The following NAALADL2 variants were observed in gnomAD, a reference collection of about 807,000 sequenced individuals.
NAALADL2 encodes the protein inactive N-acetylated-alpha-linked acidic dipeptidase-like protein 2.
A neutral mutation model predicts 87.2 loss-of-function variants in NAALADL2; 76 were observed. The ratio of observed to expected loss-of-function variants is 0.87; its 90% CI spans 0.72 to 1.05. The LOEUF (loss-of-function observed/expected upper bound fraction) is 1.05. NAALADL2 is among the 50% of genes least tolerant of loss of function. NAALADL2 has a pLI of 0.00. For synonymous variants in NAALADL2, 354 were observed against 331.0 expected (o/e 1.07, Z -0.75); for missense variants, 1,089 against 945.8 (o/e 1.15, Z -1.99).
At chr3:175,718,711 A>C (rs1741754154) in intron 11 of NAALADL2, 1 of 1,448,270 alleles carries the variant, frequency 6.9e-7, no homozygotes, top group Non-Finnish European at 9.5e-7. Context: ...AGATCACTTG[A>C]GGCGTGGAGA....
At chr3:174,807,883 G>GTGTGTA (rs2109280002) in intron 3 of NAALADL2, among the ~76,000 whole-genome samples, 1 of 144,200 alleles carries the variant, frequency 6.9e-6, no homozygotes, top group East Asian at 2.2e-4. Context: ...GTGTGTGTGT[G>GTGTGTA]TGTGTGAGAG....
chr3:175,087,861 C>T lies in NAALADL2; in HGVS notation c.44-8929C>T, dbSNP rs141840027. Among the ~76,000 whole-genome samples, 412 of 151,500 alleles carry T rather than the reference C, an allele frequency of 2.7e-3. 1 individual carries two copies. The highest frequency in any genetic ancestry group is 9.5e-3 in the African/African-American group (390 of 41,266). Reference sequence around the variant, plus strand: ...CTTCCCTCCACTATTGTCCTATGACCCTGCCAAATCCCCCTCTGCGAGAAA... The same window carrying T: ...CTTCCCTCCACTATTGTCCTATGACTCTGCCAAATCCCCCTCTGCGAGAAA... On this transcript the variant is annotated intron_variant, in intron 1 of 13. Coordinates refer to ENST00000454872, the MANE Select transcript of NAALADL2 (RefSeq NM_207015.3).
intron 13 of NAALADL2, among the ~76,000 whole-genome samples, chr3:175,757,996 C>T (rs1013725685): frequency 6.6e-6 from 1 of 151,954 alleles, no homozygotes; most frequent in African/African-American, 2.4e-5. Context: ...CCCCATTTGT[C>T]TTTCTTGGCA....
In NAALADL2 at chr3:175,470,106, A is replaced by G. The variant is rs537088772; in HGVS notation, c.1534-1533A>G. Reference sequence around the variant, plus strand: ...CTTTTAGTTAGCATAGTGTTCTCCAATTCCATCCATGTTATCACAAAAGAG... The same window carrying G: ...CTTTTAGTTAGCATAGTGTTCTCCAGTTCCATCCATGTTATCACAAAAGAG... On this transcript the variant is annotated intron_variant, in intron 8 of 13. Transcript: ENST00000454872. Among the ~76,000 whole-genome samples the G allele has an allele frequency of 1.6e-4, 24 of 152,224 alleles. No individual in the cohort carries two copies. The East Asian group carries it at 4.4e-3, about 28-fold the overall frequency.
At chr3:175,325,019 A>G (rs1760518927) in intron 5 of NAALADL2, among the ~76,000 whole-genome samples, 2 of 143,886 alleles carry the variant, frequency 1.4e-5, no homozygotes, top group Non-Finnish European at 2.9e-5. Context: ...TGTTCATTCA[A>G]CCTGGCTGAG....
intron 2 of NAALADL2, among the ~76,000 whole-genome samples, chr3:174,638,720 AG>A (rs1216393620): frequency 1.3e-5 from 2 of 152,256 alleles, no homozygotes; most frequent in African/African-American, 4.8e-5. Context: ...GCATATTAAC[AG>A]GATTCAGAAA....
intron 2 of NAALADL2, among the ~76,000 whole-genome samples, chr3:174,642,778 ATATATATATATG>A: frequency 7.9e-6 from 1 of 127,214 alleles, no homozygotes; most frequent in Non-Finnish European, 1.6e-5. Flanking sequence ...ATATATATAT[ATATATATATATG>A]TTTTTTTTCA....
intron 11 of NAALADL2, among the ~76,000 whole-genome samples, chr3:175,723,501 G>A (rs1742516190): frequency 6.6e-6 from 1 of 152,060 alleles, no homozygotes; most frequent in African/African-American, 2.4e-5. Flanking sequence ...AGTACCAATT[G>A]CTAGATGAAA....
chr3:175,527,258 A>G (rs1012594984), intron 9 of NAALADL2, among the ~76,000 whole-genome samples: 13 of 152,144 alleles, frequency 8.5e-5, no homozygotes, highest in African/African-American at 3.1e-4. Context: ...AGTGTGGCAT[A>G]TTTACCTGCC....
At position 175,606,288 on chromosome 3, in the gene NAALADL2, A is replaced by C. The variant is rs115871878; in HGVS notation, c.1801-21003A>C. ...GATGAGGGATACTTGATAGAAAAGC[A>C]AAGCCACTGGAAGAGCAAATCCCAA... On this transcript the variant is annotated intron_variant, in intron 10 of 13. Transcript: ENST00000454872. 1.6e-3 allele frequency among the ~76,000 whole-genome samples: 250 copies of C among 152,322 alleles called. 2 individuals are homozygous for C. Among genetic ancestry groups the C allele is most frequent in the African/African-American group, 5.6e-3 (234 of 41,578 alleles).
At chr3:175,745,394 C>T (rs1227902743) in intron 12 of NAALADL2, among the ~76,000 whole-genome samples, 1 of 152,108 alleles carries the variant, frequency 6.6e-6, no homozygotes, top group Non-Finnish European at 1.5e-5. Context: ...ACAGTTGTCC[C>T]TCAGTATCCA....
In NAALADL2 at chr3:175,138,438, C is replaced by T. The variant is rs552345957; in HGVS notation, c.545+41147C>T. Among the ~76,000 whole-genome samples the T allele has an allele frequency of 2.9e-4, 44 of 151,824 alleles. No homozygotes were observed. The South Asian group carries it at 8.3e-3, about 29-fold the overall frequency. On this transcript the variant is annotated intron_variant, in intron 2 of 13. Coordinates refer to ENST00000454872, the MANE Select transcript of NAALADL2 (RefSeq NM_207015.3). ...CTTCTAGTAATATAATTCATAACAC[C>T]CCAACAGGGTTTGGGGTAGTACAAG...
At chr3:175,640,423 T>C (rs915504531) in intron 11 of NAALADL2, among the ~76,000 whole-genome samples, 2 of 152,194 alleles carry the variant, frequency 1.3e-5, no homozygotes, top group Non-Finnish European at 2.9e-5. Context: ...CTAATATTTA[T>C]TGATGATATA....
intron 11 of NAALADL2, among the ~76,000 whole-genome samples, chr3:175,671,823 TA>T (rs1272870233): frequency 6.6e-6 from 1 of 152,004 alleles, no homozygotes; most frequent in Non-Finnish European, 1.5e-5. Context: ...TTACTATTTT[TA>T]AAAAAAATTT....
intron 2 of NAALADL2, among the ~76,000 whole-genome samples, chr3:174,726,035 A>G (rs1381273713): frequency 1.3e-5 from 2 of 152,004 alleles, no homozygotes; most frequent in African/African-American, 4.8e-5. Context: ...TCTTTAATTA[A>G]CTGCAGTCTG....
chr3:174,517,249 T>A (rs1719988818), intron 1 of NAALADL2, among the ~76,000 whole-genome samples: 1 of 152,058 alleles, frequency 6.6e-6, no homozygotes, highest in Non-Finnish European at 1.5e-5. Context: ...TATTAAATGT[T>A]ACAGAAGTCA....
chr3:175,171,804 T>G (rs1033540937), intron 2 of NAALADL2, among the ~76,000 whole-genome samples: 5 of 152,062 alleles, frequency 3.3e-5, no homozygotes, highest in African/African-American at 1.2e-4. Context: ...CAAGCCAGAC[T>G]TAGAAAGACA....
intron 9 of NAALADL2, among the ~76,000 whole-genome samples, chr3:175,542,786 C>G (rs1341767017): frequency 6.6e-6 from 1 of 152,118 alleles, no homozygotes; most frequent in African/African-American, 2.4e-5. Context: ...GTTCCGGGGC[C>G]AACTGTATGT....
At chr3:174,720,100 T>A (rs2079474518) in intron 2 of NAALADL2, among the ~76,000 whole-genome samples, 1 of 152,096 alleles carries the variant, frequency 6.6e-6, no homozygotes, top group African/African-American at 2.4e-5. Context: ...GCTCCCTGTC[T>A]AGGCAGTAAT....
Sources: allele counts gnomAD v4.1 joint callset (sites outside exome capture counted in the v4.1 genomes callset), GRCh38; gene constraint gnomAD v4.1.1; transcripts MANE v1.5; gene names NCBI Gene and HGNC (gene_info 2026-07-23, HGNC 2026-07-21).